The following RANBP2 variants were observed in gnomAD, a reference collection of about 807,000 sequenced individuals.
RANBP2 encodes the protein E3 SUMO-protein ligase RanBP2.
A neutral mutation model predicts 303.6 loss-of-function variants in RANBP2; 57 were observed. That is an observed-to-expected ratio of 0.19 (90% CI 0.15 to 0.23). The LOEUF (loss-of-function observed/expected upper bound fraction) is 0.23, where lower values mean the gene tolerates loss of function less well. Ranked by LOEUF, RANBP2 falls within the 10% of genes least tolerant of loss-of-function variation. The pLI is 1.00. For synonymous variants in RANBP2, 1,167 were observed against 1,301.5 expected (o/e 0.90, Z 2.23); for missense variants, 3,138 against 3,780.8 (o/e 0.83, Z 4.46).
chr2:109,002,890 C>A, the RANBP2 span, among the ~76,000 whole-genome samples: 1 of 152,222 alleles, frequency 6.6e-6, no homozygotes, highest in South Asian at 2.1e-4. Flanking sequence ...CCTCATAATA[C>A]CCCTTTACTA....
chr2:109,100,664 G>T, the RANBP2 span, among the ~76,000 whole-genome samples: 1 of 152,250 alleles, frequency 6.6e-6, no homozygotes, highest in South Asian at 2.1e-4. Context: ...CCCCAGGGAG[G>T]TCTCTAGGGG....
At chr2:108,893,410 A>G in the RANBP2 span, among the ~76,000 whole-genome samples, 1 of 152,172 alleles carries the variant, frequency 6.6e-6, no homozygotes, top group Non-Finnish European at 1.5e-5. Flanking sequence ...GGGTTTTGAC[A>G]CTGACTCCTA....
At chr2:109,719,509 C>A in the RANBP2 span, among the ~76,000 whole-genome samples, 4 of 148,536 alleles carry the variant, frequency 2.7e-5, no homozygotes, top group East Asian at 6.0e-4. Context: ...CCGGTTCAAG[C>A]AATTCTCCTG....
chr2:109,439,681 T>C, the RANBP2 span, among the ~76,000 whole-genome samples: 2 of 152,252 alleles, frequency 1.3e-5, no homozygotes, highest in African/African-American at 4.8e-5. Flanking sequence ...TGCACACTCC[T>C]GTCTGTGCTT....
At chr2:109,131,029 T>A in the RANBP2 span, among the ~76,000 whole-genome samples, 1 of 152,244 alleles carries the variant, frequency 6.6e-6, no homozygotes, top group Non-Finnish European at 1.5e-5. Context: ...ATACATTATC[T>A]ATTGGAATAA....
chr2:108,797,783 A>G, the RANBP2 span, among the ~76,000 whole-genome samples: 3 of 152,150 alleles, frequency 2.0e-5, no homozygotes, highest in South Asian at 4.1e-4. Flanking sequence ...CAAAGAGTGG[A>G]ATATAGGACA....
the RANBP2 span, among the ~76,000 whole-genome samples, chr2:109,723,811 C>T: frequency 6.6e-6 from 1 of 152,170 alleles, no homozygotes; most frequent in Non-Finnish European, 1.5e-5. Context: ...GTTGCAATTG[C>T]TTTTGGCGTT....
chr2:109,171,068 C>T, the RANBP2 span, among the ~76,000 whole-genome samples: 1 of 152,172 alleles, frequency 6.6e-6, no homozygotes, highest in Non-Finnish European at 1.5e-5. Flanking sequence ...GGTTCATGGG[C>T]ATCCTGGTTT....
chr2:109,030,370 G>A, the RANBP2 span, among the ~76,000 whole-genome samples: 21 of 152,166 alleles, frequency 1.4e-4, no homozygotes, highest in African/African-American at 4.6e-4. Context: ...TGAATTTCAC[G>A]TAAGTAAAGC....
the RANBP2 span, among the ~76,000 whole-genome samples, chr2:109,002,023 C>T: frequency 6.6e-6 from 1 of 152,212 alleles, no homozygotes; most frequent in Non-Finnish European, 1.5e-5. Context: ...AGCCACTGCG[C>T]CCAGCCCATT....
At chr2:108,855,491 A>G in the RANBP2 span, among the ~76,000 whole-genome samples, 1 of 152,068 alleles carries the variant, frequency 6.6e-6, no homozygotes, top group African/African-American at 2.4e-5. Context: ...TGTTGCTAAA[A>G]AAAAAAAAAG....
downstream of RANBP2, chr2:108,786,983 C>G (rs1484940712): frequency 1.8e-6 from 2 of 1,121,628 alleles, no homozygotes; most frequent in Non-Finnish European, 2.4e-6. Context: ...CCGTGCCCCG[C>G]GCAGCCGGCC....
At chr2:108,903,842 T>A in the RANBP2 span, among the ~76,000 whole-genome samples, 372 of 152,242 alleles carry the variant, frequency 2.4e-3, no homozygotes, top group African/African-American at 8.4e-3. Flanking sequence ...GCTATAAAAC[T>A]TCTAGAAAAA....
chr2:108,734,055 AACAT>A (rs965251698), intron 4 of RANBP2, among the ~76,000 whole-genome samples: 1 of 152,116 alleles, frequency 6.6e-6, no homozygotes, highest in African/African-American at 2.4e-5. Context: ...AAATATTTTT[AACAT>A]AGAGTCAAAG....
chr2:109,566,566 T>A, the RANBP2 span, among the ~76,000 whole-genome samples: 1 of 152,190 alleles, frequency 6.6e-6, no homozygotes, highest in Non-Finnish European at 1.5e-5. Context: ...TGTGTGTGTG[T>A]ACAGTATGTG....
the RANBP2 span, among the ~76,000 whole-genome samples, chr2:109,522,230 A>G: frequency 1.3e-5 from 2 of 151,650 alleles, no homozygotes; most frequent in Non-Finnish European, 2.9e-5. Context: ...TTAGCATCTG[A>G]GAAGAAAATA....
At chr2:109,470,371 C>T in the RANBP2 span, among the ~76,000 whole-genome samples, 1 of 152,168 alleles carries the variant, frequency 6.6e-6, no homozygotes, top group Non-Finnish European at 1.5e-5. Context: ...CAGAGTTTTG[C>T]TGGATCTCAA....
At chr2:109,634,072 G>T in the RANBP2 span, among the ~76,000 whole-genome samples, 1 of 135,940 alleles carries the variant, frequency 7.4e-6, no homozygotes, top group South Asian at 2.4e-4. Flanking sequence ...GTGAGCCGAG[G>T]TCGCGCCACT....
intron 25 of RANBP2, among the ~76,000 whole-genome samples, chr2:108,779,506 A>G (rs1678096931): frequency 6.6e-6 from 1 of 152,050 alleles, no homozygotes; most frequent in Non-Finnish European, 1.5e-5. Context: ...CCTCCATTAA[A>G]TCTGTCTGAA....
Sources: gnomAD v4.1 joint callset for allele counts (sites outside exome capture counted in the v4.1 genomes callset) on GRCh38, gnomAD v4.1.1 for gene constraint, MANE v1.5 for transcripts, NCBI Gene and HGNC (gene_info 2026-07-23, HGNC 2026-07-21) for gene names.